ARHGEF11: variants seen among roughly 807,000 people sequenced by gnomAD.
ARHGEF11 encodes Rho guanine nucleotide exchange factor 11, also known as Rho guanine exchange factor (GEF) 11.
A neutral mutation model predicts 193.7 loss-of-function variants in ARHGEF11; 55 were observed. The ratio of observed to expected loss-of-function variants is 0.28; its 90% CI spans 0.23 to 0.36. The LOEUF (loss-of-function observed/expected upper bound fraction) is 0.36, where lower values mean the gene tolerates loss of function less well. ARHGEF11 is among the 10% of genes least tolerant of loss of function. ARHGEF11 has a pLI of 1.00. For synonymous variants in ARHGEF11, 693 were observed against 768.0 expected (o/e 0.90, Z 1.62); for missense variants, 1,723 against 2,005.6 (o/e 0.86, Z 2.69).
intron 7 of ARHGEF11, 138 bp from the exon 8 acceptor site, chr1:156,971,954 T>A: frequency 9.9e-7 from 1 of 1,012,890 alleles, no homozygotes. Context: ...TGCCTCCAAG[T>A]AGATGCACGG....
chr1:156,944,988 G>A (rs1334976486), intron 30 of ARHGEF11, 31 bp downstream of exon 30: 2 of 1,605,842 alleles, frequency 1.2e-6, no homozygotes, highest in African/African-American at 2.7e-5. Context: ...CAAAGTGTGA[G>A]GGGTTGACTG....
intron 37 of ARHGEF11, 190 bp from the exon 38 acceptor site, chr1:156,938,703 G>A (rs1478962612): frequency 2.3e-5 from 12 of 519,012 alleles, no homozygotes; most frequent in East Asian, 9.7e-5. Flanking sequence ...CCAATTCACC[G>A]AGAGACAGAG....
intron 1 of ARHGEF11, among the ~76,000 whole-genome samples, chr1:157,025,322 C>T (rs1415883873): frequency 6.6e-6 from 1 of 152,200 alleles, no homozygotes; most frequent in Admixed American, 6.5e-5. Flanking sequence ...CTACTTGTCT[C>T]CATTATCTTC....
At position 156,951,580 on chromosome 1, in the gene ARHGEF11, T is replaced by G; in HGVS notation, c.1918A>C (p.Ser640Arg). The change falls in exon 22 of 41, where the codon AGT (serine) becomes CGT (arginine). Residue 640 changes from serine (S) to arginine (R), a missense_variant. Around this residue, in one of 5 missense-constraint regions of ARHGEF11, gnomAD observed 491 missense variants for 654.5 expected, o/e 0.75. Coordinates refer to ENST00000368194, the MANE Select transcript of ARHGEF11 (RefSeq NM_198236.3). The part of the protein sequence containing the change: ...TGSFPEDLLE[S>R]DSSRSEIRLG... ...CCATCCAGCCAGTGCTACCTGTCAC[T>G]CTCCAGCAGGTCCTCAGGAAAGCTT... 1 of 1,613,928 alleles carries G rather than the reference T, an allele frequency of 6.2e-7. No homozygotes were observed. The highest frequency in any genetic ancestry group is 8.5e-7 in the Non-Finnish European group (1 of 1,179,980).
chr1:156,991,711 T>A (rs1665739435), intron 1 of ARHGEF11, among the ~76,000 whole-genome samples: 3 of 46,830 alleles, frequency 6.4e-5, no homozygotes. Flanking sequence ...TTCAAGCTTA[T>A]TTTTTTTTTT....
intron 1 of ARHGEF11, among the ~76,000 whole-genome samples, chr1:157,022,594 C>T (rs1670126804): frequency 6.6e-6 from 1 of 152,180 alleles, no homozygotes; most frequent in African/African-American, 2.4e-5. Context: ...TGATACTACT[C>T]CACAAAGTTA....
At chr1:157,020,366 A>G (rs1217240431) in intron 1 of ARHGEF11, among the ~76,000 whole-genome samples, 1 of 152,228 alleles carries the variant, frequency 6.6e-6, no homozygotes, top group African/African-American at 2.4e-5. Context: ...GGTCCATATT[A>G]GAAACTAAAC....
upstream of ARHGEF11, among the ~76,000 whole-genome samples, chr1:157,045,819 GC>G (rs1481420016): frequency 6.6e-6 from 1 of 150,892 alleles, no homozygotes; most frequent in Admixed American, 6.6e-5. Context: ...CGCAGGCCCG[GC>G]CGGCCGCCCC....
intron 1 of ARHGEF11, among the ~76,000 whole-genome samples, chr1:157,009,933 A>T (rs972995085): frequency 2.6e-5 from 4 of 152,194 alleles, no homozygotes; most frequent in Non-Finnish European, 1.5e-5. Context: ...TGCTGCCTGG[A>T]GCACCTATCA....
Position 156,945,133 on chromosome 1 carries a change from A to G in ARHGEF11, c.2877T>C (p.Tyr959=), listed in dbSNP as rs776447835. The part of the protein sequence containing the change: ...ARDQCREILK[Y]VNEAVKQTEN... ...CTGTTTGTTTTACCGCTTCATTCAC[A>G]TACTTGAGAATCTCCCGGCACTGGT... Residue 959 remains tyrosine, a synonymous_variant, in exon 30 of 41, where the codon TAT becomes TAC. Transcript: ENST00000368194. The G allele has an allele frequency of 1.2e-6, 2 of 1,614,012 alleles. No homozygotes were observed. The highest frequency in any genetic ancestry group is 1.3e-5 in the African/African-American group (1 of 74,912).
chr1:156,984,206 C>T (rs370535632), intron 3 of ARHGEF11, 133 bp downstream of exon 3: 57 of 643,668 alleles, frequency 8.9e-5, no homozygotes, highest in Middle Eastern at 4.4e-4. Flanking sequence ...GGCTTCCCCA[C>T]GCACCCATGG....
rs969648888 is a variant in ARHGEF11 at position 156,948,481 on chromosome 1, C to T, written c.1943G>A (p.Arg648His). Residue 648 changes from arginine to histidine, a missense_variant, in exon 23 of 41, where the codon CGC becomes CAC. Arg to His is a conservative substitution (Grantham distance 29). Coordinates refer to ENST00000368194, the MANE Select transcript of ARHGEF11 (RefSeq NM_198236.3). The surrounding 1 kb of genome is among the most constrained non-coding windows in gnomAD (Gnocchi z 4.2). ...LESDSSRSEI[R>H]LGRSESLKGR... ...CTTGAGGCTTTCAGAGCGGCCCAGG[C>T]GAATCTCTGAGCGTGAACTGGGGGG... 3 of 1,614,034 alleles carry T rather than the reference C, an allele frequency of 1.9e-6. No homozygotes were observed. Among genetic ancestry groups the T allele is most frequent in the Admixed American group, 1.7e-5 (1 of 60,000 alleles).
intron 1 of ARHGEF11, among the ~76,000 whole-genome samples, chr1:156,996,183 C>T (rs1489667634): frequency 1.3e-5 from 2 of 152,164 alleles, no homozygotes; most frequent in Non-Finnish European, 2.9e-5. Flanking sequence ...CCTGTAAGAA[C>T]TATTTAAGCT....
intron 1 of ARHGEF11, among the ~76,000 whole-genome samples, chr1:156,991,329 T>C (rs1665662314): frequency 6.6e-6 from 1 of 152,206 alleles, no homozygotes. Context: ...TTGTTTTGTT[T>C]AGTTTTTTGA....
chr1:156,971,970 C>G, intron 7 of ARHGEF11, 154 bp from the exon 8 acceptor site: 1 of 877,858 alleles, frequency 1.1e-6, no homozygotes, highest in Non-Finnish European at 1.7e-6. Context: ...CACGGTATTT[C>G]AACATCATTC....
chr1:156,954,759 T>C (rs1659699621), intron 21 of ARHGEF11, 133 bp downstream of exon 21: 1 of 809,582 alleles, frequency 1.2e-6, no homozygotes, highest in African/African-American at 1.7e-5. Flanking sequence ...ATAAGAGAAA[T>C]GGAGAGAAGA....
chr1:156,972,421 G>C (rs1443075365), intron 7 of ARHGEF11, among the ~76,000 whole-genome samples: 1 of 152,218 alleles, frequency 6.6e-6, no homozygotes, highest in African/African-American at 2.4e-5. Flanking sequence ...TTGATAAAAT[G>C]GAGATGACAA....
Position 156,946,091 on chromosome 1 carries a change from G to C in ARHGEF11, c.2766C>G (p.Leu922=). The part of the protein sequence containing the change: ...RDLIISEMQR[L]TKYPLLLESI... ...TCTCCAGCAGCAGCGGGTACTTGGT[G>C]AGCCGCTGCATCTCAGAGATGATGA... is the stretch of plus-strand genomic sequence containing the variant. The change falls in exon 29 of 41, where the codon CTC becomes CTG. Residue 922 remains leucine, a synonymous_variant. Transcript: ENST00000368194. 1.9e-6 allele frequency: 3 copies of C among 1,613,660 alleles called. No individual in the cohort carries two copies. Among genetic ancestry groups the C allele is most frequent in the Non-Finnish European group, 2.5e-6 (3 of 1,179,962 alleles).
At chr1:156,988,919 G>C (rs893879348) in intron 1 of ARHGEF11, among the ~76,000 whole-genome samples, 21 of 152,180 alleles carry the variant, frequency 1.4e-4, no homozygotes, top group Admixed American at 1.1e-3. Context: ...TATTGTGTCA[G>C]CTGGGTTGTG....
Sources: gnomAD v4.1 joint callset for allele counts (sites outside exome capture counted in the v4.1 genomes callset) on GRCh38, gnomAD v4.1.1 for gene constraint, gnomAD v4.1.1 regional missense constraint, Gnocchi (gnomAD v3.1) non-coding constraint, MANE v1.5 for transcripts, NCBI Gene and HGNC (gene_info 2026-07-23, HGNC 2026-07-21) for gene names.